Variants in NOL4 observed in about 807,000 individuals in gnomAD.
The protein encoded by NOL4 is cancer/testis antigen 125.
In NOL4, 17 loss-of-function variants were observed where a neutral mutation model predicts 75.9. The observed-to-expected ratio is 0.22, with a 90% CI of 0.15 to 0.34. NOL4 has a LOEUF of 0.34. Ranked by LOEUF, NOL4 falls within the 10% of genes least tolerant of loss-of-function variation. The pLI is 1.00. For synonymous variants in NOL4, 292 were observed against 289.9 expected, an observed-to-expected ratio of 1.01 and a Z score of -0.07; for missense variants, 614 against 793.5, an observed-to-expected ratio of 0.77 and a Z score of 2.72.
At chr18:33,954,446 T>A (rs1482966658) in intron 8 of NOL4, among the ~76,000 whole-genome samples, 4 of 151,984 alleles carry the variant, frequency 2.6e-5, no homozygotes, top group African/African-American at 9.7e-5. Flanking sequence ...TCTGTGAGTA[T>A]AAAATGCTCT....
At chr18:34,153,575 C>G (rs1228618620) in intron 1 of NOL4, among the ~76,000 whole-genome samples, 1 of 151,910 alleles carries the variant, frequency 6.6e-6, no homozygotes, top group East Asian at 1.9e-4. Context: ...AAATGGAAAG[C>G]ACTGCAAGAT....
At chr18:33,893,718 C>T (rs1258745332) in intron 9 of NOL4, among the ~76,000 whole-genome samples, 1 of 151,830 alleles carries the variant, frequency 6.6e-6, no homozygotes, top group African/African-American at 2.4e-5. Context: ...ATACATATAC[C>T]TTGTTTCTGT....
intron 9 of NOL4, among the ~76,000 whole-genome samples, chr18:33,925,321 A>G (rs1043638139): frequency 3.3e-5 from 5 of 152,188 alleles, no homozygotes; most frequent in African/African-American, 1.2e-4. Flanking sequence ...ATTATCAAAT[A>G]AATGATAGTT....
At chr18:34,051,103 C>A (rs2076606530) in intron 5 of NOL4, among the ~76,000 whole-genome samples, 1 of 151,972 alleles carries the variant, frequency 6.6e-6, no homozygotes, top group African/African-American at 2.4e-5. Context: ...TAATGCCTGA[C>A]ATATTGAAAA....
chr18:34,160,079 C>T (rs2031218863), intron 1 of NOL4, among the ~76,000 whole-genome samples: 1 of 152,134 alleles, frequency 6.6e-6, no homozygotes, highest in South Asian at 2.1e-4. Context: ...AAAACAAACC[C>T]AGGCGGAGAA....
chr18:34,123,366 T>A (rs2080234498), intron 2 of NOL4, among the ~76,000 whole-genome samples: 1 of 151,552 alleles, frequency 6.6e-6, no homozygotes, highest in Admixed American at 6.6e-5. Flanking sequence ...ATCTGAATAA[T>A]ATTCAGTAGC....
chr18:33,960,276 A>C (rs1018407030), intron 6 of NOL4, among the ~76,000 whole-genome samples: 7 of 152,118 alleles, frequency 4.6e-5, no homozygotes. Flanking sequence ...TATTGTAATC[A>C]AATGCAGATA....
intron 10 of NOL4, among the ~76,000 whole-genome samples, chr18:33,869,164 CATAAG>C (rs1204295645): frequency 6.6e-6 from 1 of 151,576 alleles, no homozygotes; most frequent in Non-Finnish European, 1.5e-5. Flanking sequence ...TATTACAGCA[CATAAG>C]ATATTTATAT....
At chr18:34,222,257 A>G in intron 1 of NOL4, 1 of 1,375,892 alleles carries the variant, frequency 7.3e-7, no homozygotes, top group Non-Finnish European at 9.4e-7. Flanking sequence ...TACACACACC[A>G]TTCGATAGCG....
In NOL4 at chr18:34,013,158, T is replaced by C. The variant is rs904357528; in HGVS notation, c.1056+6160A>G. Among the ~76,000 whole-genome samples, 3 of 152,038 alleles carry C rather than the reference T, an allele frequency of 2.0e-5. No homozygotes were observed. In the East Asian group the frequency reaches 5.8e-4, roughly 29 times the overall value. Reference sequence around the variant, plus strand: ...TACACAATATTCATCATTACTACAGTTGATATAGTATCCCAATATCAAAAC... The same window carrying C: ...TACACAATATTCATCATTACTACAGCTGATATAGTATCCCAATATCAAAAC... On this transcript the variant is annotated intron_variant, in intron 6 of 10. Coordinates refer to ENST00000261592, the MANE Select transcript of NOL4 (RefSeq NM_003787.5).
At chr18:34,167,770 C>CCATA (rs2032567598) in intron 1 of NOL4, among the ~76,000 whole-genome samples, 1 of 151,958 alleles carries the variant, frequency 6.6e-6, no homozygotes, top group Non-Finnish European at 1.5e-5. Flanking sequence ...ATACCAGGAA[C>CCATA]CATAACATCT....
chr18:33,992,504 G>A lies in NOL4; in HGVS notation c.1056+26814C>T, dbSNP rs555836581. On this transcript the variant is annotated intron_variant, in intron 6 of 10. Coordinates refer to ENST00000261592, the MANE Select transcript of NOL4 (RefSeq NM_003787.5). ...AGGAAACATCTATTCAAAAATAACA[G>A]CTAAGATTTAGTAATAACAGTGAGA... Among the ~76,000 whole-genome samples, 10 of 152,066 alleles carry A rather than the reference G, an allele frequency of 6.6e-5. No individual in the cohort carries two copies. The South Asian group carries it at 2.1e-3, about 32-fold the overall frequency.
chr18:33,917,934 T>TTTTATGTGTTTATGTTAA, intron 9 of NOL4, among the ~76,000 whole-genome samples: 1 of 152,350 alleles, frequency 6.6e-6, no homozygotes, highest in East Asian at 1.9e-4. Flanking sequence ...TTTTATGAAC[T>TTTTATGTGTTTATGTTAA]GTGGGTTTTC....
chr18:34,094,994 C>T (rs927931096), intron 4 of NOL4, among the ~76,000 whole-genome samples: 3 of 152,076 alleles, frequency 2.0e-5, no homozygotes, highest in African/African-American at 4.8e-5. Flanking sequence ...CTATTATTAA[C>T]GAACAAGACT....
chr18:34,005,090 ATAT>A (rs2073960798), intron 6 of NOL4, among the ~76,000 whole-genome samples: 1 of 152,096 alleles, frequency 6.6e-6, no homozygotes, highest in Non-Finnish European at 1.5e-5. Flanking sequence ...AATCATACAG[ATAT>A]TATAACCAAA....
chr18:34,129,265 C>G (rs2080522944), intron 2 of NOL4, among the ~76,000 whole-genome samples: 1 of 151,712 alleles, frequency 6.6e-6, no homozygotes. Context: ...AAATTTATGA[C>G]AAAAACATCA....
chr18:33,917,573 G>T (rs2066797517), intron 9 of NOL4, among the ~76,000 whole-genome samples: 1 of 152,054 alleles, frequency 6.6e-6, no homozygotes, highest in Non-Finnish European at 1.5e-5. Flanking sequence ...ATAGCTCACT[G>T]CAAGCTCGAA....
At chr18:34,189,786 A>G (rs532297965) in intron 1 of NOL4, among the ~76,000 whole-genome samples, 2 of 152,146 alleles carry the variant, frequency 1.3e-5, no homozygotes, top group African/African-American at 4.8e-5. Context: ...AAATAAATAC[A>G]TATTTTTTAA....
intron 2 of NOL4, among the ~76,000 whole-genome samples, chr18:34,127,253 G>C (rs1433160027): frequency 6.6e-6 from 1 of 151,756 alleles, no homozygotes; most frequent in African/African-American, 2.4e-5. Context: ...CAACATTAAA[G>C]GACCACCATT....
Sources: allele counts gnomAD v4.1 joint callset (sites outside exome capture counted in the v4.1 genomes callset), GRCh38; gene constraint gnomAD v4.1.1; transcripts MANE v1.5; gene names NCBI Gene and HGNC (gene_info 2026-07-23, HGNC 2026-07-21).